NRXN3: variants seen among roughly 807,000 people sequenced by gnomAD.
The protein encoded by NRXN3 is neurexin 3.
In NRXN3, 32 loss-of-function variants were observed where a neutral mutation model predicts 137.6. The observed-to-expected ratio is 0.23, with a 90% CI of 0.18 to 0.31. NRXN3 has a LOEUF of 0.31. Among genes scored for constraint, NRXN3 ranks in the 10% least tolerant of loss-of-function variants. NRXN3 has a pLI of 1.00. For missense variants in NRXN3, 1,574 were observed against 2,062.5 expected (o/e 0.76, Z 4.59); for synonymous variants, 798 against 784.5 (o/e 1.02, Z -0.29).
chr14:78,602,267 CTTTTTTT>C (rs370669288), intron 4 of NRXN3, among the ~76,000 whole-genome samples: 2 of 115,282 alleles, frequency 1.7e-5, no homozygotes, highest in South Asian at 2.9e-4. Flanking sequence ...TCACATTAGC[CTTTTTTT>C]TTTTTTTTTT....
At chr14:78,452,196 A>G (rs2094568852) in intron 4 of NRXN3, among the ~76,000 whole-genome samples, 1 of 152,224 alleles carries the variant, frequency 6.6e-6, no homozygotes, top group Non-Finnish European at 1.5e-5. Context: ...AAGAGCAAAG[A>G]TGCTGGAGCC....
At chr14:79,455,651 A>C (rs2096248123) in intron 15 of NRXN3, among the ~76,000 whole-genome samples, 2 of 152,070 alleles carry the variant, frequency 1.3e-5, no homozygotes, top group South Asian at 4.1e-4. Context: ...CTGACTTTCA[A>C]ATATATTGCT....
intron 4 of NRXN3, among the ~76,000 whole-genome samples, chr14:78,531,369 A>G (rs1215867086): frequency 6.6e-6 from 1 of 152,192 alleles, no homozygotes; most frequent in African/African-American, 2.4e-5. Flanking sequence ...TCAGAAATTC[A>G]GAGTTATCCC....
At chr14:79,089,143 C>T (rs372990021) in intron 15 of NRXN3, among the ~76,000 whole-genome samples, 2 of 152,082 alleles carry the variant, frequency 1.3e-5, no homozygotes, top group East Asian at 3.9e-4. Flanking sequence ...GGGGATAAGT[C>T]AATAGAGCTG....
intron 10 of NRXN3, among the ~76,000 whole-genome samples, chr14:78,895,946 C>T (rs2099172952): frequency 6.6e-6 from 1 of 151,754 alleles, no homozygotes; most frequent in African/African-American, 2.4e-5. Context: ...ACAATAATGA[C>T]ATCAAAGATC....
At chr14:78,284,408 T>G (rs2074879250) in intron 3 of NRXN3, among the ~76,000 whole-genome samples, 1 of 152,138 alleles carries the variant, frequency 6.6e-6, no homozygotes, top group African/African-American at 2.4e-5. Flanking sequence ...CTCCCTAATA[T>G]ATATAAAACT....
intron 15 of NRXN3, among the ~76,000 whole-genome samples, chr14:79,295,124 C>A (rs1368237050): frequency 6.6e-6 from 1 of 152,074 alleles, no homozygotes; most frequent in Admixed American, 6.6e-5. Context: ...GTATCCCCAA[C>A]TTCACCTCCT....
chr14:79,816,075 C>T (rs1464764803), intron 20 of NRXN3, among the ~76,000 whole-genome samples: 2 of 152,076 alleles, frequency 1.3e-5, no homozygotes, highest in African/African-American at 4.8e-5. Context: ...TACATGAAAA[C>T]ATAGTATTTT....
intron 15 of NRXN3, among the ~76,000 whole-genome samples, chr14:79,011,982 C>T (rs571233651): frequency 6.6e-6 from 1 of 152,256 alleles, no homozygotes; most frequent in African/African-American, 2.4e-5. Flanking sequence ...TTGACTCATT[C>T]CATTACCATG....
At chr14:79,008,086 T>G (rs2099557522) in intron 15 of NRXN3, among the ~76,000 whole-genome samples, 2 of 152,072 alleles carry the variant, frequency 1.3e-5, no homozygotes, top group South Asian at 4.1e-4. Context: ...TGTTTAGATA[T>G]CCACATAAGA....
At chr14:79,198,249 TA>T in intron 15 of NRXN3, among the ~76,000 whole-genome samples, 1 of 152,352 alleles carries the variant, frequency 6.6e-6, no homozygotes, top group East Asian at 1.9e-4. Context: ...TGCATATATT[TA>T]AAAGTTATTT....
intron 15 of NRXN3, among the ~76,000 whole-genome samples, chr14:79,316,729 CCTCTCTCT>C (rs35515937): frequency 1.2e-3 from 160 of 138,014 alleles, no homozygotes; most frequent in Non-Finnish European, 1.9e-3. Context: ...CTGTCCTGTC[CCTCTCTCT>C]CTCTCTCTCT....
intron 4 of NRXN3, among the ~76,000 whole-genome samples, chr14:78,331,226 A>G (rs1332748571): frequency 6.6e-6 from 1 of 152,188 alleles, no homozygotes; most frequent in Non-Finnish European, 1.5e-5. Context: ...AACCTTCACT[A>G]AAGTTTGGAA....
intron 15 of NRXN3, among the ~76,000 whole-genome samples, chr14:79,186,058 TG>T (rs1296272496): frequency 5.9e-5 from 9 of 152,296 alleles, no homozygotes; most frequent in African/African-American, 2.2e-4. Flanking sequence ...GAGATGTTCA[TG>T]GTACATATCT....
intron 20 of NRXN3, among the ~76,000 whole-genome samples, chr14:79,841,572 G>A (rs1446014555): frequency 6.6e-6 from 1 of 152,190 alleles, no homozygotes; most frequent in Non-Finnish European, 1.5e-5. Context: ...GTCAGTGGCT[G>A]CAGGGCCACA....
chr14:79,134,659 C>G (rs989510507), intron 15 of NRXN3, among the ~76,000 whole-genome samples: 13 of 152,138 alleles, frequency 8.5e-5, no homozygotes, highest in African/African-American at 3.1e-4. Flanking sequence ...AAATTCCAGG[C>G]ACTTTGTCAA....
chr14:79,810,726 G>A (rs540005063), intron 20 of NRXN3, among the ~76,000 whole-genome samples: 7 of 152,020 alleles, frequency 4.6e-5, no homozygotes, highest in African/African-American at 9.7e-5. Flanking sequence ...GAGATGCCTC[G>A]GGAAAGTATC....
chr14:78,791,214 T>A (rs2098804158), intron 8 of NRXN3, among the ~76,000 whole-genome samples: 1 of 152,186 alleles, frequency 6.6e-6, no homozygotes, highest in African/African-American at 2.4e-5. Context: ...TTATTTTCTA[T>A]CTCTTTGGAT....
intron 10 of NRXN3, among the ~76,000 whole-genome samples, chr14:78,862,909 A>G (rs1294450466): frequency 6.6e-6 from 1 of 152,190 alleles, no homozygotes; most frequent in African/African-American, 2.4e-5. Context: ...CTGAAAAACC[A>G]TTTGACATTT....
Sources: allele counts gnomAD v4.1 joint callset (sites outside exome capture counted in the v4.1 genomes callset), GRCh38; gene constraint gnomAD v4.1.1; transcripts MANE v1.5; gene names NCBI Gene and HGNC (gene_info 2026-07-23, HGNC 2026-07-21).